The following C8B variants were observed in gnomAD, a reference collection of about 807,000 sequenced individuals.
C8B encodes the protein complement C8 beta chain, also known as complement component C8 beta chain.
Under a neutral mutation model 64.6 loss-of-function variants are expected in C8B, and 67 were observed. The observed-to-expected ratio is 1.04, with a 90% confidence interval of 0.85 to 1.27. The LOEUF (loss-of-function observed/expected upper bound fraction) is 1.27. Ranked by LOEUF, C8B falls within the 50% of genes most tolerant of loss-of-function variation. The probability of loss-of-function intolerance (pLI) is 0.00; values close to 1 mark genes in which losing one functional copy is unlikely to be tolerated. For missense variants in C8B, 790 were observed against 725.2 expected (o/e 1.09, Z -1.03); for synonymous variants, 284 against 257.7 (o/e 1.10, Z -0.98).
intron 9 of C8B, among the ~76,000 whole-genome samples, chr1:56,940,096 A>G (rs924673217): frequency 2.0e-5 from 3 of 151,948 alleles, no homozygotes; most frequent in Non-Finnish European, 4.4e-5. Context: ...TTCCCTTAGT[A>G]CCTTACTTCC....
chr1:56,946,096 T>C (rs1401264581), intron 6 of C8B, 35 bp from the exon 7 acceptor site: 4 of 1,612,946 alleles, frequency 2.5e-6, no homozygotes, highest in Non-Finnish European at 3.4e-6. Context: ...AACCAGACCT[T>C]TAAAGTTAGG....
chr1:56,930,022 G>A (rs1419361967), intron 11 of C8B, among the ~76,000 whole-genome samples: 1 of 152,162 alleles, frequency 6.6e-6, no homozygotes, highest in Non-Finnish European at 1.5e-5. Context: ...TATTGTGACT[G>A]GGGCTGTATC....
At chr1:56,961,916 G>A (rs1645185716) in intron 1 of C8B, among the ~76,000 whole-genome samples, 1 of 152,126 alleles carries the variant, frequency 6.6e-6, no homozygotes, top group Non-Finnish European at 1.5e-5. Context: ...ACACACCAGT[G>A]GGGGGCTTCA....
Position 56,930,780 on chromosome 1 carries a change from A to G in C8B, c.1621+1030T>C, listed in dbSNP as rs59827011. 1.5e-3 allele frequency among the ~76,000 whole-genome samples: 235 copies of G among 152,326 alleles called. 7 individuals carry two copies. The East Asian group carries it at 0.035, about 22-fold the overall frequency. On this transcript the variant is annotated intron_variant, in intron 11 of 11. Transcript: ENST00000371237. ...GTTGTTGTGAGGATTAAAGAATTTA[A>G]TATATATAAGATACAAAGTAACAAT...
intron 8 of C8B, among the ~76,000 whole-genome samples, chr1:56,941,537 GATAGATAGATAGATA>G: frequency 8.4e-6 from 1 of 118,672 alleles, no homozygotes; most frequent in East Asian, 2.3e-4. Flanking sequence ...TAGATAGATA[GATAGATAGATAGATA>G]ATAGACAGAC....
At chr1:56,961,639 G>A (rs778931926) in intron 1 of C8B, among the ~76,000 whole-genome samples, 4 of 152,182 alleles carry the variant, frequency 2.6e-5, no homozygotes, top group Non-Finnish European at 5.9e-5. Flanking sequence ...ATCCAGGATT[G>A]AGTCATTAGG....
At chr1:56,948,177 A>G (rs951234191) in intron 6 of C8B, among the ~76,000 whole-genome samples, 15 of 152,208 alleles carry the variant, frequency 9.9e-5, no homozygotes, top group African/African-American at 3.4e-4. Context: ...GGGAGTAAGC[A>G]ATAGGAAGCA....
chr1:56,931,190 A>G (rs1644695976), intron 11 of C8B, among the ~76,000 whole-genome samples: 1 of 152,204 alleles, frequency 6.6e-6, no homozygotes, highest in African/African-American at 2.4e-5. Flanking sequence ...TATGTGTTAA[A>G]CTGGCCAAAG....
chr1:56,962,107 C>A (rs1645187885), intron 1 of C8B, among the ~76,000 whole-genome samples: 1 of 152,112 alleles, frequency 6.6e-6, no homozygotes, highest in African/African-American at 2.4e-5. Context: ...TGAGACTGAG[C>A]AGGTAAGTAA....
chr1:56,964,545 T>C (rs1645224868), intron 1 of C8B, among the ~76,000 whole-genome samples: 5 of 152,172 alleles, frequency 3.3e-5, no homozygotes, highest in Admixed American at 3.3e-4. Context: ...TTCAACCCCT[T>C]AGCCATTCGG....
intron 2 of C8B, chr1:56,959,489 A>T: frequency 8.4e-7 from 1 of 1,183,494 alleles, no homozygotes; most frequent in Non-Finnish European, 1.2e-6. Context: ...AATTGTGAGT[A>T]GGTGTTCACC....
intron 5 of C8B, among the ~76,000 whole-genome samples, chr1:56,951,282 A>C (rs904924606): frequency 2.0e-5 from 3 of 152,142 alleles, no homozygotes; most frequent in African/African-American, 4.8e-5. Context: ...AATTACCGTC[A>C]AGATCTTCTA....
At chr1:56,946,945 C>T (rs1644951776) in intron 6 of C8B, among the ~76,000 whole-genome samples, 1 of 152,190 alleles carries the variant, frequency 6.6e-6, no homozygotes, top group African/African-American at 2.4e-5. Flanking sequence ...CTAGCTTGCT[C>T]TCGCCCCATT....
intron 9 of C8B, among the ~76,000 whole-genome samples, chr1:56,935,685 A>G (rs1032387397): frequency 2.5e-4 from 38 of 152,326 alleles, no homozygotes; most frequent in African/African-American, 8.7e-4. Context: ...TGAGTTCGTT[A>G]GTCTTTTGTT....
At chr1:56,955,106 G>A (rs1301582979) in intron 3 of C8B, among the ~76,000 whole-genome samples, 2 of 152,190 alleles carry the variant, frequency 1.3e-5, no homozygotes, top group African/African-American at 4.8e-5. Context: ...TGGGATGGGT[G>A]TGTCCTGTAA....
chr1:56,947,503 C>T (rs1490106990), intron 6 of C8B, among the ~76,000 whole-genome samples: 1 of 152,210 alleles, frequency 6.6e-6, no homozygotes, highest in Non-Finnish European at 1.5e-5. Flanking sequence ...TAAATTTCTA[C>T]TTTGCCATTG....
rs201463530 is a variant in C8B, at chr1:56,945,992, T to C, written c.934A>G (p.Met312Val). 10 of 1,614,170 alleles carry C rather than the reference T, an allele frequency of 6.2e-6. No homozygotes were observed. The East Asian group carries it at 2.0e-4, about 32-fold the overall frequency. ...CTCTGAAGGAACTCGTAATGGAGCA[T>C]GAGGCTTCTGGGTTTCAGCTTGTAA... is the stretch of plus-strand genomic sequence containing the variant. ...AHYKLKPRSL[M>V]LHYEFLQRVK... The change falls in exon 7 of 12, where the codon ATG (methionine) becomes GTG (valine). Residue 312 changes from methionine to valine, a missense_variant. Met to Val is a conservative substitution (Grantham distance 21). Coordinates refer to ENST00000371237, the MANE Select transcript of C8B (RefSeq NM_000066.4).
intron 9 of C8B, among the ~76,000 whole-genome samples, chr1:56,936,096 A>C (rs558829872): frequency 2.1e-4 from 32 of 152,344 alleles, no homozygotes; most frequent in African/African-American, 6.3e-4. Context: ...TGCTACTTCA[A>C]ATAACAAACT....
intron 1 of C8B, 36 bp downstream of exon 1, chr1:56,965,821 T>C: frequency 1.2e-6 from 2 of 1,610,466 alleles, no homozygotes; most frequent in East Asian, 4.5e-5. Flanking sequence ...CCCTGTCATA[T>C]TATTGATCAG....
Sources: allele counts gnomAD v4.1 joint callset (sites outside exome capture counted in the v4.1 genomes callset), GRCh38; gene constraint gnomAD v4.1.1; transcripts MANE v1.5; gene names NCBI Gene and HGNC (gene_info 2026-07-23, HGNC 2026-07-21).